Variants in LINGO2 observed in about 807,000 individuals in gnomAD.
LINGO2 encodes the protein leucine-rich repeat and immunoglobulin-like domain-containing nogo receptor-interacting protein 2.
A neutral mutation model predicts 30.6 loss-of-function variants in LINGO2; 14 were observed. The observed-to-expected ratio is 0.46, with a 90% CI of 0.30 to 0.72. The LOEUF (loss-of-function observed/expected upper bound fraction) is 0.72, where lower values mean the gene tolerates loss of function less well. Among genes scored for constraint, LINGO2 ranks in the 30% least tolerant of loss-of-function variants. The pLI is 0.07. For missense variants in LINGO2, 729 were observed against 751.7 expected (o/e 0.97, Z 0.35); for synonymous variants, 317 against 288.5 (o/e 1.10, Z -1.00).
chr9:28,389,261 A>C (rs1264834480), intron 2 of LINGO2, among the ~76,000 whole-genome samples: 1 of 152,144 alleles, frequency 6.6e-6, no homozygotes, highest in Non-Finnish European at 1.5e-5. Context: ...AAAATTATAT[A>C]TTTTATATGC....
intron 1 of LINGO2, among the ~76,000 whole-genome samples, chr9:28,507,084 A>C (rs1820169894): frequency 6.6e-6 from 1 of 152,124 alleles, no homozygotes; most frequent in Non-Finnish European, 1.5e-5. Context: ...CTAGGAAGGC[A>C]GCAAAGACTT....
intron 2 of LINGO2, among the ~76,000 whole-genome samples, chr9:28,470,940 T>C (rs2135168752): frequency 6.7e-6 from 1 of 148,182 alleles, no homozygotes; most frequent in Non-Finnish European, 1.5e-5. Flanking sequence ...ATATAACATA[T>C]ATATTATACA....
chr9:29,149,526 C>T, the LINGO2 span, among the ~76,000 whole-genome samples: 1 of 151,882 alleles, frequency 6.6e-6, no homozygotes, highest in Non-Finnish European at 1.5e-5. Context: ...CCGAGAATGA[C>T]GAGGGAGAAA....
chr9:28,567,809 AT>A (rs1823462201), intron 1 of LINGO2, among the ~76,000 whole-genome samples: 1 of 151,804 alleles, frequency 6.6e-6, no homozygotes, highest in Non-Finnish European at 1.5e-5. Context: ...AAATAAATAA[AT>A]AAATAAATAA....
exon 6 of LINGO2, chr9:27,948,778 G>A (rs1260527633): frequency 9.4e-6 from 14 of 1,496,436 alleles, no homozygotes; most frequent in East Asian, 2.3e-5. Context: ...TCTTAATCTA[G>A]TAATTTACTG....
At chr9:29,181,732 A>G in the LINGO2 span, among the ~76,000 whole-genome samples, 3 of 152,200 alleles carry the variant, frequency 2.0e-5, no homozygotes, top group Non-Finnish European at 2.9e-5. Context: ...ACAGTCCACA[A>G]GATTTTAGAG....
chr9:28,776,441 A>G, the LINGO2 span, among the ~76,000 whole-genome samples: 1 of 152,214 alleles, frequency 6.6e-6, no homozygotes, highest in African/African-American at 2.4e-5. Flanking sequence ...TTATGCAAAA[A>G]CTAAATAATG....
At chr9:28,374,210 T>TTA (rs869187611) in intron 2 of LINGO2, among the ~76,000 whole-genome samples, 12 of 130,568 alleles carry the variant, frequency 9.2e-5, no homozygotes, top group African/African-American at 3.2e-4. Context: ...ATGTTTTTAT[T>TTA]TATATATATA....
chr9:28,876,257 A>C, the LINGO2 span, among the ~76,000 whole-genome samples: 1 of 151,728 alleles, frequency 6.6e-6, no homozygotes, highest in African/African-American at 2.4e-5. Flanking sequence ...TTTTTATTTT[A>C]TTTTTATTAT....
intron 1 of LINGO2, among the ~76,000 whole-genome samples, chr9:28,499,385 T>C (rs976511598): frequency 6.6e-6 from 1 of 152,226 alleles, no homozygotes; most frequent in Non-Finnish European, 1.5e-5. Flanking sequence ...TGAGTGATCA[T>C]AGTTCCAGGA....
At chr9:28,919,234 C>T in the LINGO2 span, among the ~76,000 whole-genome samples, 1 of 152,120 alleles carries the variant, frequency 6.6e-6, no homozygotes. Context: ...AATGAGTTTA[C>T]TTCCATTTAA....
At chr9:28,199,351 T>TCCTCCTCCTCCTCCTCCTCCTCCCCC (rs1290385489) in intron 4 of LINGO2, among the ~76,000 whole-genome samples, 2 of 149,852 alleles carry the variant, frequency 1.3e-5, no homozygotes, top group Non-Finnish European at 1.5e-5. Context: ...CTTCTTTTTT[T>TCCTCCTCCTCCTCCTCCTCCTCCCCC]TTTTTTGAGA....
At chr9:28,922,387 T>A in the LINGO2 span, among the ~76,000 whole-genome samples, 19 of 152,062 alleles carry the variant, frequency 1.2e-4, no homozygotes, top group Non-Finnish European at 2.5e-4. Flanking sequence ...TTTTTTTTTT[T>A]AAATAAAACA....
chr9:28,930,842 G>A, the LINGO2 span, among the ~76,000 whole-genome samples: 1 of 152,110 alleles, frequency 6.6e-6, no homozygotes, highest in Non-Finnish European at 1.5e-5. This position sits in a 1 kb window ranked among gnomAD's most constrained non-coding sequence, Gnocchi z 4.2. Context: ...GCTAATGTAC[G>A]GCACACAGAA....
At chr9:28,921,632 G>A in the LINGO2 span, among the ~76,000 whole-genome samples, 1 of 152,142 alleles carries the variant, frequency 6.6e-6, no homozygotes, top group Non-Finnish European at 1.5e-5. Flanking sequence ...GCGGAGCAAG[G>A]AGGAAGAGAG....
At chr9:28,802,590 A>C in the LINGO2 span, among the ~76,000 whole-genome samples, 57,145 of 151,888 alleles carry the variant, frequency 0.38, 12,650 homozygotes, top group Middle Eastern at 0.49. Flanking sequence ...TTTTGTCTCT[A>C]ATATGGAAGA....
At chr9:28,769,308 T>C in the LINGO2 span, among the ~76,000 whole-genome samples, 1 of 150,796 alleles carries the variant, frequency 6.6e-6, no homozygotes, top group African/African-American at 2.4e-5. Flanking sequence ...TTTAAAAACA[T>C]ATTTAATAGG....
the LINGO2 span, among the ~76,000 whole-genome samples, chr9:29,003,997 C>G: frequency 1.3e-5 from 2 of 152,006 alleles, no homozygotes; most frequent in African/African-American, 4.8e-5. Context: ...ATGACACTTT[C>G]TTCCCTTTCG....
the LINGO2 span, among the ~76,000 whole-genome samples, chr9:29,046,558 T>C: frequency 5.3e-5 from 8 of 152,082 alleles, no homozygotes; most frequent in African/African-American, 1.9e-4. Flanking sequence ...AGATTGAAGC[T>C]AAACCCCTTT....
Sources: gnomAD v4.1 joint callset for allele counts (sites outside exome capture counted in the v4.1 genomes callset) on GRCh38, gnomAD v4.1.1 for gene constraint, Gnocchi (gnomAD v3.1) non-coding constraint, MANE v1.5 for transcripts, NCBI Gene and HGNC (gene_info 2026-07-23, HGNC 2026-07-21) for gene names.